RGS10: variants seen among roughly 807,000 people sequenced by gnomAD.
The protein encoded by RGS10 is regulator of G protein signaling 10, also known as regulator of G-protein signalling 10.
In RGS10, 11 loss-of-function variants were observed where a neutral mutation model predicts 23.5. The observed-to-expected ratio is 0.47, with a 90% confidence interval of 0.29 to 0.77. The LOEUF is 0.77. Among genes scored for constraint, RGS10 ranks in the 30% least tolerant of loss-of-function variants. RGS10 has a pLI of 0.08. For synonymous variants in RGS10, 77 were observed against 83.2 expected (o/e 0.92, Z 0.41); for missense variants, 180 against 226.3 (o/e 0.80, Z 1.31).
At chr10:119,530,686 A>T (rs1844322799) in intron 1 of RGS10, among the ~76,000 whole-genome samples, 2 of 152,226 alleles carry the variant, frequency 1.3e-5, no homozygotes, top group Non-Finnish European at 1.5e-5. Flanking sequence ...TTAGCTGGGC[A>T]TAGTGGCATG....
chr10:119,541,804 C>T (rs1034715736), intron 1 of RGS10, among the ~76,000 whole-genome samples: 1 of 152,184 alleles, frequency 6.6e-6, no homozygotes. Context: ...CCGGGTTGTC[C>T]TAGGGGTGAA....
Position 119,535,960 on chromosome 10 carries a change from T to C in RGS10, c.49+6630A>G, listed in dbSNP as rs118101609. Among the ~76,000 whole-genome samples, 86 of 152,366 alleles carry C rather than the reference T, an allele frequency of 5.6e-4. 1 individual carries two copies. In the East Asian group the frequency reaches 0.015, roughly 27 times the overall value. On this transcript the variant is annotated intron_variant, in intron 1 of 4. Coordinates refer to ENST00000369103, the MANE Select transcript of RGS10 (RefSeq NM_001005339.2). ...CCTATACCACATCAAGTGTAGTACA[T>C]TTTTTAAAAAGTCCTCCCAATTTAG...
intron 2 of RGS10, 99 bp from the exon 3 acceptor site, chr10:119,526,217 C>T (rs1844271596): frequency 5.0e-6 from 3 of 601,142 alleles, no homozygotes; most frequent in Non-Finnish European, 8.5e-6. Flanking sequence ...CAAAATTCAA[C>T]AGAGGAGCAT....
intron 1 of RGS10, among the ~76,000 whole-genome samples, chr10:119,539,772 G>A (rs557315249): frequency 4.6e-5 from 7 of 152,062 alleles, no homozygotes; most frequent in East Asian, 3.9e-4. Context: ...AAAATCCTCC[G>A]CGGAAAGACA....
intron 1 of RGS10, among the ~76,000 whole-genome samples, chr10:119,540,463 G>A (rs1844425892): frequency 6.6e-6 from 1 of 152,070 alleles, no homozygotes. Context: ...TGTTTCCCAG[G>A]CTTATCTGGA....
intron 4 of RGS10, among the ~76,000 whole-genome samples, chr10:119,504,687 T>TA (rs1272427594): frequency 6.6e-6 from 1 of 152,262 alleles, no homozygotes; most frequent in Admixed American, 6.5e-5. Context: ...TGGGTGTCCT[T>TA]ATCAGAAGAG....
rs1417598040 is a variant in RGS10 at position 119,517,672 on chromosome 10, G to A, written c.256-2020C>T. On this transcript the variant is annotated intron_variant, in intron 3 of 4. Transcript: ENST00000369103. The surrounding 1 kb of genome is among the most constrained non-coding windows in gnomAD (Gnocchi z 5.0). The stretch of plus-strand genomic sequence containing the variant: ...CCCCTCCTCCCCTTGACATTCACAC[G>A]CACACACACACGCACACACGTGCAC... Among the ~76,000 whole-genome samples the A allele has an allele frequency of 2.6e-5, 4 of 152,128 alleles. No homozygotes were observed. Among genetic ancestry groups the A allele is most frequent in the South Asian group, 2.1e-4 (1 of 4,816 alleles).
rs1843933359 is a variant in RGS10 at position 119,500,043 on chromosome 10, T to C, written c.*70A>G. On this transcript the variant is annotated 3_prime_UTR_variant, in exon 5 of 5. Coordinates refer to ENST00000369103, the MANE Select transcript of RGS10 (RefSeq NM_001005339.2). Reference sequence around the variant, plus strand: ...GTCCTTACAAATAACAAAGCAATGATAAACCCGGCACGGTCCTGAGAGGAA... The same window carrying C: ...GTCCTTACAAATAACAAAGCAATGACAAACCCGGCACGGTCCTGAGAGGAA... 6.6e-7 allele frequency: 1 copy of C among 1,514,584 alleles called. No individual in the cohort carries two copies. The highest frequency in any genetic ancestry group is 1.2e-5 in the South Asian group (1 of 80,838). 93.8% of individuals were successfully genotyped at this position (1,514,584 alleles called of 1,614,324 possible). A position where few individuals can be genotyped will look rare whatever the true frequency, so the allele number is the denominator to read the frequency against.
chr10:119,532,107 G>GT (rs1247719896), intron 1 of RGS10, among the ~76,000 whole-genome samples: 2 of 152,130 alleles, frequency 1.3e-5, no homozygotes, highest in Non-Finnish European at 2.9e-5. Context: ...TCTGTCATAA[G>GT]TTTTTATTTT....
chr10:119,511,417 G>C (rs148893122), intron 4 of RGS10, among the ~76,000 whole-genome samples: 8 of 152,270 alleles, frequency 5.3e-5, no homozygotes, highest in African/African-American at 7.2e-5. Flanking sequence ...CCAGGAGTTT[G>C]AGACCAACCT....
chr10:119,513,274 A>G (rs1316127731), intron 4 of RGS10, among the ~76,000 whole-genome samples: 1 of 152,098 alleles, frequency 6.6e-6, no homozygotes, highest in Non-Finnish European at 1.5e-5. Flanking sequence ...CCTGGGCAAC[A>G]TAGCGAAAGT....
intron 2 of RGS10, 126 bp from the exon 3 acceptor site, chr10:119,526,244 G>A (rs993874150): frequency 4.1e-5 from 20 of 488,818 alleles, no homozygotes; most frequent in African/African-American, 2.8e-4. Context: ...GTTACTCTTC[G>A]AAAACCCCAC....
chr10:119,500,365 ATG>A (rs112604470), intron 4 of RGS10, 106 bp from the exon 5 acceptor site: 1 of 1,040,802 alleles, frequency 9.6e-7, no homozygotes, highest in Non-Finnish European at 1.4e-6. Flanking sequence ...GAATACTAAC[ATG>A]TGCAAAGAAC....
intron 4 of RGS10, among the ~76,000 whole-genome samples, chr10:119,512,053 C>T (rs1341838623): frequency 6.6e-6 from 1 of 152,162 alleles, no homozygotes; most frequent in Admixed American, 6.5e-5. Context: ...AAGATTTTCC[C>T]GTTCTTCTAG....
At chr10:119,518,395 C>T (rs1435236883) in intron 3 of RGS10, among the ~76,000 whole-genome samples, 1 of 152,198 alleles carries the variant, frequency 6.6e-6, no homozygotes, top group Admixed American at 6.5e-5. Flanking sequence ...TTCCAGGCAC[C>T]CCACAAGGCT....
intron 4 of RGS10, among the ~76,000 whole-genome samples, chr10:119,505,064 A>T (rs888263948): frequency 2.6e-5 from 4 of 152,116 alleles, no homozygotes; most frequent in African/African-American, 9.7e-5. Context: ...GGGGTCCCAG[A>T]CAGTTCCAAC....
rs1844252335 is a variant in RGS10, at chr10:119,524,560, C to T, written c.255+1472G>A. Among the ~76,000 whole-genome samples, 1 of 152,098 alleles carries T rather than the reference C, an allele frequency of 6.6e-6. No homozygotes were observed. Among genetic ancestry groups the T allele is most frequent in the African/African-American group, 2.4e-5 (1 of 41,412 alleles). On this transcript the variant is annotated intron_variant, in intron 3 of 4. Transcript: ENST00000369103. The surrounding 1 kb of genome is among the most constrained non-coding windows in gnomAD (Gnocchi z 5.2). The stretch of plus-strand genomic sequence containing the variant: ...CATTTATCGATGGTGGTCCCCAGGC[C>T]CTGTCCTCGGTGCTGGAGACAAAGG...
intron 3 of RGS10, among the ~76,000 whole-genome samples, chr10:119,523,675 A>G (rs1441064461): frequency 6.6e-6 from 1 of 152,150 alleles, no homozygotes; most frequent in African/African-American, 2.4e-5. Flanking sequence ...AAAAAAGGAA[A>G]AGAAGTCCTA....
intron 4 of RGS10, among the ~76,000 whole-genome samples, chr10:119,505,215 G>A (rs1028763992): frequency 4.6e-5 from 7 of 151,998 alleles, no homozygotes; most frequent in Non-Finnish European, 8.8e-5. Flanking sequence ...GCAGGAGGCC[G>A]CAGGTGAGTG....
Sources: allele counts gnomAD v4.1 joint callset (sites outside exome capture counted in the v4.1 genomes callset), GRCh38; gene constraint gnomAD v4.1.1; non-coding constraint Gnocchi (gnomAD v3.1); transcripts MANE v1.5; gene names NCBI Gene and HGNC (gene_info 2026-07-23, HGNC 2026-07-21).